The following VWDE variants were observed in gnomAD, a reference collection of about 807,000 sequenced individuals.
The protein encoded by VWDE is von Willebrand factor D and EGF domains, also known as von Willebrand factor D and EGF domain-containing protein.
In VWDE, 207 loss-of-function variants were observed where a neutral mutation model predicts 178.4. The observed-to-expected ratio is 1.16, with a 90% CI of 1.04 to 1.30. The LOEUF is 1.30. Ranked by LOEUF, VWDE falls within the 50% of genes most tolerant of loss-of-function variation. VWDE has a pLI of 0.00. For synonymous variants in VWDE, 738 were observed against 651.4 expected (o/e 1.13, Z -2.02); for missense variants, 2,287 against 1,901.3 (o/e 1.20, Z -3.77).
chr7:12,399,876 A>G (rs1784819241), intron 1 of VWDE, among the ~76,000 whole-genome samples: 1 of 152,158 alleles, frequency 6.6e-6, no homozygotes, highest in Admixed American at 6.5e-5. Context: ...CATATAAAGT[A>G]TGTTCTGTGA....
chr7:12,333,652 TG>T (rs1319098028), intron 27 of VWDE, 84 bp from the exon 28 acceptor site: 2 of 871,926 alleles, frequency 2.3e-6, no homozygotes. Context: ...TGGGGCTATC[TG>T]GTGATTGGAC....
chr7:12,347,612 A>G (rs527929120), intron 19 of VWDE, among the ~76,000 whole-genome samples: 169 of 152,248 alleles, frequency 1.1e-3, no homozygotes, highest in Non-Finnish European at 2.1e-3. Context: ...TTTAAATAAA[A>G]TATATGATAT....
At position 12,349,083 on chromosome 7, in the gene VWDE, C is replaced by G. The variant is rs926444933; in HGVS notation, c.3886+2490G>C. ...ACACTCTGGGGCCTGTTGTGCGGTG[C>G]GGGGAGAGGGGAGGGATAGCATTGG... On this transcript the variant is annotated intron_variant, in intron 19 of 28. Transcript: ENST00000275358. Among the ~76,000 whole-genome samples the G allele has an allele frequency of 2.0e-4, 31 of 151,958 alleles. 2 individuals are homozygous for G. Among genetic ancestry groups the G allele is most frequent in the Middle Eastern group, 3.4e-3 (1 of 294 alleles).
At chr7:12,346,766 C>G (rs1474047314) in intron 19 of VWDE, among the ~76,000 whole-genome samples, 1 of 151,946 alleles carries the variant, frequency 6.6e-6, no homozygotes, top group Non-Finnish European at 1.5e-5. Context: ...TCTTGTTATG[C>G]TTTCTATTGC....
At chr7:12,347,195 C>T (rs185818898) in intron 19 of VWDE, among the ~76,000 whole-genome samples, 253 of 152,246 alleles carry the variant, frequency 1.7e-3, no homozygotes, top group African/African-American at 5.9e-3. Context: ...AGCCTCTGTA[C>T]ACAGAAGGGA....
At chr7:12,400,314 G>A (rs531019788) in intron 1 of VWDE, among the ~76,000 whole-genome samples, 6 of 152,008 alleles carry the variant, frequency 3.9e-5, no homozygotes, top group South Asian at 4.2e-4. Context: ...CAAAACTGAC[G>A]GACCTCTAAC....
chr7:12,387,159 A>T (rs1784141714), intron 3 of VWDE, among the ~76,000 whole-genome samples: 1 of 152,182 alleles, frequency 6.6e-6, no homozygotes, highest in Non-Finnish European at 1.5e-5. Context: ...AAATAAAATT[A>T]TATGTTGAGA....
intron 1 of VWDE, among the ~76,000 whole-genome samples, chr7:12,399,163 T>A (rs1784762154): frequency 6.6e-6 from 1 of 152,178 alleles, no homozygotes; most frequent in African/African-American, 2.4e-5. Flanking sequence ...ACATTGGCTT[T>A]CTTTACGTAT....
intron 15 of VWDE, 115 bp from the exon 16 acceptor site, chr7:12,359,807 A>G: frequency 3.3e-6 from 2 of 597,890 alleles, no homozygotes; most frequent in Non-Finnish European, 5.9e-6. Context: ...ACATACATCT[A>G]TTTTGATACT....
intron 27 of VWDE, among the ~76,000 whole-genome samples, chr7:12,335,609 C>T (rs1456333387): frequency 6.6e-6 from 1 of 152,036 alleles, no homozygotes; most frequent in East Asian, 1.9e-4. Context: ...GCGCCTGCCA[C>T]CACGCCTGGC....
rs1350680021 is a variant in VWDE, at chr7:12,342,125, C to A, written c.4204G>T (p.Gly1402Cys). 2.6e-6 allele frequency: 4 copies of A among 1,551,354 alleles called. No homozygotes were observed. Among genetic ancestry groups the A allele is most frequent in the Non-Finnish European group, 3.5e-6 (4 of 1,146,802 alleles). The change falls in exon 23 of 29, where the codon GGC (glycine) becomes TGC (cysteine). Residue 1402 changes from glycine to cysteine, a missense_variant. Physicochemically the swap from Gly to Cys is radical, Grantham distance 159. Transcript: ENST00000275358. ...CAAATATCTGGTGTAAGACACTGGC[C>A]TCCATTTTCACAGTGCCTGTTACAA... ...MVCNRHCENG[G>C]QCLTPDICQC... is the part of the protein sequence containing the mutation.
At chr7:12,336,459 C>T (rs1781037582) in intron 26 of VWDE, among the ~76,000 whole-genome samples, 3 of 152,094 alleles carry the variant, frequency 2.0e-5, no homozygotes, top group South Asian at 4.1e-4. Context: ...TTGAATGCGT[C>T]GTGATTTAAC....
chr7:12,359,439 G>A (rs542763949), intron 16 of VWDE, 139 bp downstream of exon 16: 165 of 544,994 alleles, frequency 3.0e-4, no homozygotes, highest in Non-Finnish European at 4.9e-4. Flanking sequence ...TACCCTCAAC[G>A]TAAATTTTGC....
chr7:12,374,254 T>A (rs986140349), intron 9 of VWDE, among the ~76,000 whole-genome samples: 3 of 152,086 alleles, frequency 2.0e-5, no homozygotes, highest in Non-Finnish European at 4.4e-5. Flanking sequence ...GTTATAATAG[T>A]TTTTTTCCTG....
intron 21 of VWDE, among the ~76,000 whole-genome samples, chr7:12,343,576 G>C (rs1354092228): frequency 2.0e-5 from 3 of 152,082 alleles, no homozygotes; most frequent in African/African-American, 7.2e-5. Flanking sequence ...TTTGTAGCTT[G>C]CTTTGCCATA....
chr7:12,339,587 A>C (rs1194433208), intron 24 of VWDE, among the ~76,000 whole-genome samples: 1 of 152,148 alleles, frequency 6.6e-6, no homozygotes, highest in African/African-American at 2.4e-5. Context: ...AATAAAAGAA[A>C]TAGAATTGCA....
rs1420368138 is a variant in VWDE, at chr7:12,375,082, G to C, written c.1170C>G (p.Val390=). The change falls in exon 8 of 29, where the codon GTC becomes GTG. Residue 390 remains valine, a synonymous_variant. Coordinates refer to ENST00000275358, the MANE Select transcript of VWDE (RefSeq NM_001135924.3). ...CTATTGGTTGCACTACAATGTTTGA[G>C]ACTCTATCTCCATCTCGAGAAAAAT... The part of the protein sequence containing the change: ...VTDFSRDGDR[V]SNIVVQPIVN... The C allele has an allele frequency of 1.3e-6, 2 of 1,551,194 alleles. No homozygotes were observed. The highest frequency in any genetic ancestry group is 1.4e-5 in the African/African-American group (1 of 72,992).
At chr7:12,366,094 C>T (rs902425877) in intron 13 of VWDE, among the ~76,000 whole-genome samples, 1 of 152,006 alleles carries the variant, frequency 6.6e-6, no homozygotes, top group African/African-American at 2.4e-5. Context: ...GAAGAAGGTG[C>T]CTCCGTCTGC....
chr7:12,372,461 T>C (rs1375527484), intron 10 of VWDE, among the ~76,000 whole-genome samples: 1 of 152,060 alleles, frequency 6.6e-6, no homozygotes, highest in Non-Finnish European at 1.5e-5. Context: ...AAGGTGGCTA[T>C]GACCTGAAAA....
Sources: allele counts gnomAD v4.1 joint callset (sites outside exome capture counted in the v4.1 genomes callset), GRCh38; gene constraint gnomAD v4.1.1; transcripts MANE v1.5; gene names NCBI Gene and HGNC (gene_info 2026-07-23, HGNC 2026-07-21).